Variants in EXT1 observed in about 807,000 individuals in gnomAD.
EXT1 encodes the protein exostosin-1.
Under a neutral mutation model 82.5 loss-of-function variants are expected in EXT1, and 20 were observed. The ratio of observed to expected loss-of-function variants is 0.24; its 90% CI spans 0.17 to 0.35. The LOEUF is 0.35. EXT1 is among the 10% of genes least tolerant of loss of function. The pLI is 1.00. For synonymous variants in EXT1, 348 were observed against 350.8 expected, an observed-to-expected ratio of 0.99 and a Z score of 0.09; for missense variants, 757 against 936.5, an observed-to-expected ratio of 0.81 and a Z score of 2.50.
chr8:117,980,697 GGTT>G (rs1444180126), intron 1 of EXT1, among the ~76,000 whole-genome samples: 37 of 27,574 alleles, frequency 1.3e-3, no homozygotes, highest in Admixed American at 4.6e-3. Flanking sequence ...GGGTGTTGGT[GGTT>G]TTTTTTTTTT....
chr8:117,871,009 A>T (rs1310649203), intron 1 of EXT1, among the ~76,000 whole-genome samples: 2 of 152,204 alleles, frequency 1.3e-5, no homozygotes, highest in African/African-American at 4.8e-5. Context: ...TCTCTAGCCG[A>T]TGTAACTGGG....
Position 117,799,496 on chromosome 8 carries a change from C to A in EXT1, c.*216G>T. ...CTGTACACAACCTAGTCTTGGGACA[C>A]AGAAGCCAGTGAGGTGAGTTTGGAG... On this transcript the variant is annotated 3_prime_UTR_variant, in exon 11 of 11. Coordinates refer to ENST00000378204, the MANE Select transcript of EXT1 (RefSeq NM_000127.3). 1.7e-6 allele frequency: 1 copy of A among 591,712 alleles called. No homozygotes were observed. The highest frequency in any genetic ancestry group is 3.0e-6 in the Non-Finnish European group (1 of 332,104). The allele number at this position is 591,712 out of a possible 1,614,324, so 36.7% of individuals were successfully genotyped here.
chr8:118,086,944 A>G (rs984009140), intron 1 of EXT1, among the ~76,000 whole-genome samples: 12 of 152,334 alleles, frequency 7.9e-5, no homozygotes, highest in African/African-American at 2.9e-4. Context: ...AGAAAAGGGT[A>G]GATATCACCT....
chr8:118,083,074 G>A (rs1280931536), intron 1 of EXT1, among the ~76,000 whole-genome samples: 1 of 152,144 alleles, frequency 6.6e-6, no homozygotes, highest in Non-Finnish European at 1.5e-5. Flanking sequence ...CCAATTGACA[G>A]TTAAACTGGT....
At chr8:118,012,694 A>G (rs2129838463) in intron 1 of EXT1, among the ~76,000 whole-genome samples, 1 of 152,328 alleles carries the variant, frequency 6.6e-6, no homozygotes, top group Non-Finnish European at 1.5e-5. Context: ...TGATAAAAAT[A>G]ACTACCTCTC....
intron 1 of EXT1, among the ~76,000 whole-genome samples, chr8:117,923,385 A>G (rs2086008): frequency 0.021 from 3,127 of 151,896 alleles, 45 homozygotes; most frequent in African/African-American, 0.043. Context: ...AGGAGACTGG[A>G]GGAAGAAAAG....
In EXT1 at chr8:118,053,803, T is replaced by A. The variant is rs557324919; in HGVS notation, c.962+56282A>T. On this transcript the variant is annotated intron_variant, in intron 1 of 10. Coordinates refer to ENST00000378204, the MANE Select transcript of EXT1 (RefSeq NM_000127.3). ...CTTGCTGTCAATGCTCTGAACCATG[T>A]TACTTCTGCTACACCTCTATAATTA... Among the ~76,000 whole-genome samples the A allele has an allele frequency of 2.0e-5, 3 of 152,320 alleles. No individual in the cohort carries two copies. The South Asian group carries it at 6.2e-4, about 32-fold the overall frequency.
intron 1 of EXT1, among the ~76,000 whole-genome samples, chr8:117,949,336 C>G (rs1814446566): frequency 6.6e-6 from 1 of 152,060 alleles, no homozygotes; most frequent in South Asian, 2.1e-4. Flanking sequence ...ATGCATCCAT[C>G]ATAAGCCTAC....
At chr8:117,944,644 C>G (rs1814351879) in intron 1 of EXT1, among the ~76,000 whole-genome samples, 1 of 152,124 alleles carries the variant, frequency 6.6e-6, no homozygotes. Context: ...TAAGACAGAA[C>G]AATTCCATTA....
intron 1 of EXT1, among the ~76,000 whole-genome samples, chr8:117,884,243 C>T (rs897061952): frequency 3.3e-5 from 5 of 152,204 alleles, no homozygotes; most frequent in African/African-American, 1.2e-4. Flanking sequence ...TACTCCATCC[C>T]AGACAGCAGG....
chr8:117,930,841 C>A (rs182535791), intron 1 of EXT1, among the ~76,000 whole-genome samples: 5 of 149,910 alleles, frequency 3.3e-5, no homozygotes, highest in Admixed American at 1.3e-4. Context: ...AAACAGCATG[C>A]GGTAAAGATG....
chr8:117,981,384 T>C (rs1815199401), intron 1 of EXT1, among the ~76,000 whole-genome samples: 1 of 152,142 alleles, frequency 6.6e-6, no homozygotes, highest in South Asian at 2.1e-4. Flanking sequence ...TAGATAAATA[T>C]TTGGCAAGAA....
intron 1 of EXT1, among the ~76,000 whole-genome samples, chr8:118,042,244 A>C (rs1816545051): frequency 6.6e-6 from 1 of 152,174 alleles, no homozygotes; most frequent in Non-Finnish European, 1.5e-5. Context: ...AAAGGAGCTC[A>C]ATCAGAGGGC....
chr8:117,826,669 C>T (rs796539635), intron 4 of EXT1, among the ~76,000 whole-genome samples: 5 of 152,014 alleles, frequency 3.3e-5, no homozygotes, highest in African/African-American at 9.6e-5. Context: ...CTGGGTAGTA[C>T]CTGTCATGCA....
intron 1 of EXT1, among the ~76,000 whole-genome samples, chr8:117,853,507 A>G (rs1022909067): frequency 9.2e-5 from 14 of 152,230 alleles, no homozygotes; most frequent in African/African-American, 3.1e-4. Flanking sequence ...CATGTTGATC[A>G]TATCAGAGCA....
intron 1 of EXT1, among the ~76,000 whole-genome samples, chr8:118,001,611 TAA>T (rs749672019): frequency 5.9e-5 from 9 of 152,168 alleles, no homozygotes; most frequent in Non-Finnish European, 8.8e-5. Context: ...AGAATAAGAT[TAA>T]GATACATTTT....
At chr8:118,088,524 G>C (rs918878962) in intron 1 of EXT1, among the ~76,000 whole-genome samples, 1 of 151,772 alleles carries the variant, frequency 6.6e-6, no homozygotes, top group Non-Finnish European at 1.5e-5. Flanking sequence ...GGAAGAAAGG[G>C]GGGAGACCTA....
chr8:117,984,601 G>A (rs1308797325), intron 1 of EXT1, among the ~76,000 whole-genome samples: 2 of 152,170 alleles, frequency 1.3e-5, no homozygotes, highest in African/African-American at 2.4e-5. Context: ...AGGATGGGAA[G>A]GCAGCAGGAA....
intron 1 of EXT1, among the ~76,000 whole-genome samples, chr8:118,027,313 T>TCACACACACACA (rs71307421): frequency 2.1e-5 from 3 of 145,412 alleles, no homozygotes; most frequent in African/African-American, 7.6e-5. Flanking sequence ...TCAGTTTCTT[T>TCACACACACACA]CACACACACA....
Sources: gnomAD v4.1 joint callset for allele counts (sites outside exome capture counted in the v4.1 genomes callset) on GRCh38, gnomAD v4.1.1 for gene constraint, MANE v1.5 for transcripts, NCBI Gene and HGNC (gene_info 2026-07-23, HGNC 2026-07-21) for gene names.